The following METTL24 variants were observed in gnomAD, a reference collection of about 807,000 sequenced individuals.
The protein encoded by METTL24 is methyltransferase like 24, also known as probable methyltransferase-like protein 24.
METTL24 carries 29 observed loss-of-function variants against 32.7 expected under a neutral mutation model. The ratio of observed to expected loss-of-function variants is 0.89; its 90% confidence interval spans 0.66 to 1.21. The LOEUF is 1.21. Ranked by LOEUF, METTL24 falls within the 50% of genes most tolerant of loss-of-function variation. The pLI is 0.00. For missense variants in METTL24, 439 were observed against 468.1 expected (o/e 0.94, Z 0.57); for synonymous variants, 163 against 179.5 (o/e 0.91, Z 0.73).
At chr6:110,290,354 C>G (rs1033926282) in intron 4 of METTL24, among the ~76,000 whole-genome samples, 15 of 152,210 alleles carry the variant, frequency 9.9e-5, no homozygotes, top group African/African-American at 3.6e-4. Context: ...CACCACCTGC[C>G]CTAGGCAACC....
chr6:110,310,972 G>T (rs1038540602), intron 3 of METTL24, among the ~76,000 whole-genome samples: 16 of 152,196 alleles, frequency 1.1e-4, no homozygotes, highest in Admixed American at 2.6e-4. Flanking sequence ...GCATGGTCTT[G>T]TTGCTGCTGT....
chr6:110,338,541 C>A (rs925842496), intron 1 of METTL24, among the ~76,000 whole-genome samples: 2 of 152,094 alleles, frequency 1.3e-5, no homozygotes, highest in Admixed American at 6.5e-5. Context: ...AAAACCCCAA[C>A]GTGTCTTCGA....
chr6:110,309,830 A>T (rs538904934), intron 3 of METTL24, among the ~76,000 whole-genome samples: 31 of 151,156 alleles, frequency 2.1e-4, no homozygotes, highest in African/African-American at 7.1e-4. Context: ...AGACAATATC[A>T]CTCCCAAAGG....
intron 3 of METTL24, among the ~76,000 whole-genome samples, chr6:110,304,525 A>G (rs1771594066): frequency 6.6e-6 from 1 of 152,232 alleles, no homozygotes; most frequent in South Asian, 2.1e-4. Flanking sequence ...TGAACCATAC[A>G]CAAATATCAA....
At chr6:110,297,944 GGAA>G (rs758669235) in intron 4 of METTL24, among the ~76,000 whole-genome samples, 3 of 151,960 alleles carry the variant, frequency 2.0e-5, no homozygotes, top group African/African-American at 4.8e-5. Context: ...AGGAGGAGGA[GGAA>G]GAAGAAGAGG....
intron 4 of METTL24, among the ~76,000 whole-genome samples, chr6:110,249,623 T>G (rs1444659262): frequency 6.6e-6 from 1 of 152,078 alleles, no homozygotes; most frequent in Non-Finnish European, 1.5e-5. Context: ...ATATTATTGT[T>G]ATTATAAAGC....
chr6:110,289,533 T>G (rs755818131), intron 4 of METTL24, among the ~76,000 whole-genome samples: 2 of 151,800 alleles, frequency 1.3e-5, no homozygotes, highest in Non-Finnish European at 2.9e-5. Context: ...AGCCTGGATA[T>G]AGTTAAAAAG....
intron 4 of METTL24, among the ~76,000 whole-genome samples, chr6:110,286,499 T>C (rs1052733812): frequency 6.6e-6 from 1 of 152,168 alleles, no homozygotes; most frequent in African/African-American, 2.4e-5. Context: ...TGGTTTGTTG[T>C]CCAGCGTCCC....
At chr6:110,346,504 CTT>C (rs3068847) in intron 1 of METTL24, among the ~76,000 whole-genome samples, 6 of 133,958 alleles carry the variant, frequency 4.5e-5, no homozygotes, top group African/African-American at 1.1e-4. Flanking sequence ...CTCTCTCTCT[CTT>C]TTTTTTTTTT....
chr6:110,249,317 T>A (rs1778229704), intron 4 of METTL24, among the ~76,000 whole-genome samples: 1 of 151,980 alleles, frequency 6.6e-6, no homozygotes, highest in Non-Finnish European at 1.5e-5. Context: ...TAATCTATTC[T>A]AAAGAGCAAA....
chr6:110,279,301 A>T (rs1002704282), intron 4 of METTL24, among the ~76,000 whole-genome samples: 2 of 152,232 alleles, frequency 1.3e-5, no homozygotes, highest in Non-Finnish European at 2.9e-5. Flanking sequence ...TAAATAGTGT[A>T]TCAAAGAGAT....
intron 1 of METTL24, 80 bp downstream of exon 1, chr6:110,357,875 G>A (rs938170679): frequency 1.2e-5 from 10 of 800,512 alleles, no homozygotes; most frequent in East Asian, 1.0e-4. Context: ...CGGCCTGCGG[G>A]ACCTGAGCGC....
intron 4 of METTL24, among the ~76,000 whole-genome samples, chr6:110,276,310 G>A (rs543794814): frequency 6.6e-6 from 1 of 152,208 alleles, no homozygotes; most frequent in East Asian, 1.9e-4. Context: ...AATTAGCCAG[G>A]TGTGATGGTA....
intron 1 of METTL24, among the ~76,000 whole-genome samples, chr6:110,338,354 T>G (rs1457966173): frequency 6.6e-6 from 1 of 152,122 alleles, no homozygotes; most frequent in East Asian, 1.9e-4. Context: ...AAAAATTAGC[T>G]GGGCGTGATG....
chr6:110,262,784 C>T (rs1174900918), intron 4 of METTL24, among the ~76,000 whole-genome samples: 3 of 152,200 alleles, frequency 2.0e-5, no homozygotes, highest in Non-Finnish European at 4.4e-5. Context: ...ATCAAGTGGG[C>T]TTCATCCCTG....
intron 4 of METTL24, 135 bp downstream of exon 4, chr6:110,298,787 A>C (rs1016207079): frequency 1.8e-5 from 13 of 713,774 alleles, no homozygotes; most frequent in Non-Finnish European, 3.0e-5. Context: ...TCTATAAATA[A>C]TGTTGGGTGA....
chr6:110,274,762 A>G (rs74699904), intron 4 of METTL24, among the ~76,000 whole-genome samples: 2 of 136,020 alleles, frequency 1.5e-5, no homozygotes, highest in Non-Finnish European at 3.3e-5. Context: ...CACATTTTAC[A>G]TTTTGGTAGC....
In METTL24 at chr6:110,244,278, C is replaced by G. The variant is rs547117498; in HGVS notation, c.*1668G>C. Among the ~76,000 whole-genome samples the G allele has an allele frequency of 6.6e-6, 1 of 151,928 alleles. No individual in the cohort carries two copies. The highest frequency in any genetic ancestry group is 1.5e-5 in the Non-Finnish European group (1 of 67,998). The stretch of plus-strand genomic sequence containing the variant: ...TGTTTGAAGGCAGAAGAGGCAACAG[C>G]AAAGATACCCAGATTCTGCTCTGTG... On this transcript the variant is annotated 3_prime_UTR_variant, in exon 5 of 5. Coordinates refer to ENST00000338882, the MANE Select transcript of METTL24 (RefSeq NM_001123364.3).
At chr6:110,265,090 G>A (rs999856795) in intron 4 of METTL24, among the ~76,000 whole-genome samples, 1 of 148,632 alleles carries the variant, frequency 6.7e-6, no homozygotes, top group African/African-American at 2.5e-5. Flanking sequence ...CCTGCATGTT[G>A]TGCATATGTA....
Sources: allele counts gnomAD v4.1 joint callset (sites outside exome capture counted in the v4.1 genomes callset), GRCh38; gene constraint gnomAD v4.1.1; transcripts MANE v1.5; gene names NCBI Gene and HGNC (gene_info 2026-07-23, HGNC 2026-07-21).